SNTB1: variants seen among roughly 807,000 people sequenced by gnomAD.
The protein encoded by SNTB1 is syntrophin beta 1.
SNTB1 carries 36 observed loss-of-function variants against 48.9 expected under a neutral mutation model. The ratio of observed to expected loss-of-function variants is 0.74; its 90% CI spans 0.56 to 0.97. SNTB1 has a LOEUF of 0.97. Among genes scored for constraint, SNTB1 ranks in the 50% least tolerant of loss-of-function variants. SNTB1 has a pLI of 0.00. For missense variants in SNTB1, 786 were observed against 703.4 expected (o/e 1.12, Z -1.33); for synonymous variants, 299 against 294.6 (o/e 1.01, Z -0.15).
At chr8:120,760,297 CAA>C (rs77673399) in intron 1 of SNTB1, among the ~76,000 whole-genome samples, 11 of 69,188 alleles carry the variant, frequency 1.6e-4, no homozygotes, top group Admixed American at 4.9e-4. Flanking sequence ...AGAAACAAGC[CAA>C]AAAAAAAAAA....
chr8:120,566,456 C>A (rs1815750881), intron 4 of SNTB1, among the ~76,000 whole-genome samples: 1 of 151,932 alleles, frequency 6.6e-6, no homozygotes, highest in Admixed American at 6.6e-5. Flanking sequence ...CACGACTTCA[C>A]CAGACAGCAA....
intron 2 of SNTB1, among the ~76,000 whole-genome samples, chr8:120,661,713 G>T (rs1014743408): frequency 1.3e-5 from 2 of 152,088 alleles, no homozygotes; most frequent in African/African-American, 2.4e-5. Context: ...TGATCTCATT[G>T]TTCAACTCCC....
At chr8:120,601,446 C>T (rs564717782) in intron 3 of SNTB1, among the ~76,000 whole-genome samples, 54 of 152,102 alleles carry the variant, frequency 3.6e-4, no homozygotes, top group Non-Finnish European at 6.5e-4. Context: ...ACATCCTTAC[C>T]CCGTACCTGA....
intron 3 of SNTB1, among the ~76,000 whole-genome samples, chr8:120,630,201 G>A (rs924355579): frequency 6.6e-6 from 1 of 152,330 alleles, no homozygotes; most frequent in Non-Finnish European, 1.5e-5. Flanking sequence ...CTTTAAGAGT[G>A]CATCCGTGGG....
intron 1 of SNTB1, among the ~76,000 whole-genome samples, chr8:120,727,937 C>T (rs971708277): frequency 1.1e-4 from 17 of 152,318 alleles, no homozygotes; most frequent in East Asian, 5.8e-4. Flanking sequence ...AACTGTGGTA[C>T]GGTATTACTA....
At chr8:120,674,863 A>C (rs1378990128) in intron 2 of SNTB1, among the ~76,000 whole-genome samples, 1 of 152,202 alleles carries the variant, frequency 6.6e-6, no homozygotes, top group East Asian at 1.9e-4. Context: ...TCTAAAAAAA[A>C]TCCTAGTAAT....
At chr8:120,544,128 T>C (rs188162387) in intron 5 of SNTB1, among the ~76,000 whole-genome samples, 1 of 152,276 alleles carries the variant, frequency 6.6e-6, no homozygotes, top group African/African-American at 2.4e-5. Context: ...CCGCAGACCA[T>C]GTGGGTGAAT....
intron 2 of SNTB1, among the ~76,000 whole-genome samples, chr8:120,682,477 T>A (rs936315587): frequency 1.4e-4 from 21 of 152,224 alleles, no homozygotes; most frequent in Middle Eastern, 3.2e-3. Flanking sequence ...AATTTCTGAC[T>A]AATTCAACCC....
At chr8:120,590,531 T>C (rs781384594) in intron 3 of SNTB1, among the ~76,000 whole-genome samples, 1 of 152,170 alleles carries the variant, frequency 6.6e-6, no homozygotes, top group African/African-American at 2.4e-5. Flanking sequence ...TAATGATTAA[T>C]GCTTTCTGGA....
chr8:120,742,482 A>G (rs1268753194), intron 1 of SNTB1, among the ~76,000 whole-genome samples: 1 of 152,204 alleles, frequency 6.6e-6, no homozygotes, highest in Non-Finnish European at 1.5e-5. Flanking sequence ...TCTTACAGGA[A>G]GCAAAGGGAT....
intron 1 of SNTB1, among the ~76,000 whole-genome samples, chr8:120,746,419 T>C (rs1272653819): frequency 6.6e-6 from 1 of 152,140 alleles, no homozygotes; most frequent in Non-Finnish European, 1.5e-5. Context: ...AGGGTATTAG[T>C]GGTTAAGTGA....
At chr8:120,753,495 C>T (rs1270827642) in intron 1 of SNTB1, among the ~76,000 whole-genome samples, 2 of 152,170 alleles carry the variant, frequency 1.3e-5, no homozygotes, top group Non-Finnish European at 2.9e-5. Flanking sequence ...CCCTATTTCT[C>T]AATAGCACTA....
At chr8:120,780,328 T>C (rs989624530) in intron 1 of SNTB1, among the ~76,000 whole-genome samples, 2 of 152,234 alleles carry the variant, frequency 1.3e-5, no homozygotes, top group Non-Finnish European at 2.9e-5. Context: ...CTATTGCATA[T>C]ACAGTAGCTA....
At chr8:120,796,177 A>G (rs781548314) in intron 1 of SNTB1, among the ~76,000 whole-genome samples, 2 of 151,978 alleles carry the variant, frequency 1.3e-5, no homozygotes, top group Non-Finnish European at 2.9e-5. Flanking sequence ...CCGTGGTAAG[A>G]CATGCCCGTT....
chr8:120,738,912 G>T (rs1818997356), intron 1 of SNTB1, among the ~76,000 whole-genome samples: 2 of 152,256 alleles, frequency 1.3e-5, no homozygotes, highest in South Asian at 4.1e-4. Flanking sequence ...CCAATAAACA[G>T]TCACTAAAAC....
At chr8:120,611,109 T>C (rs1299453486) in intron 3 of SNTB1, among the ~76,000 whole-genome samples, 1 of 152,228 alleles carries the variant, frequency 6.6e-6, no homozygotes, top group Non-Finnish European at 1.5e-5. Flanking sequence ...TGAGCAGGTC[T>C]GACCCTAGAG....
In SNTB1 at chr8:120,592,590, T is replaced by C. The variant is rs190863267; in HGVS notation, c.997-17365A>G. On this transcript the variant is annotated intron_variant, in intron 3 of 6. Transcript: ENST00000517992. The stretch of plus-strand genomic sequence containing the variant: ...ATAAATATTTGTTAAGCACATGCTA[T>C]GTGCCAGACACTGTGCTGGGAGCTA... Among the ~76,000 whole-genome samples the C allele has an allele frequency of 2.5e-4, 38 of 152,098 alleles. 1 individual carries two copies. The highest frequency in any genetic ancestry group is 9.2e-4 in the African/African-American group (38 of 41,350).
At chr8:120,558,373 T>C (rs1815602552) in intron 4 of SNTB1, among the ~76,000 whole-genome samples, 1 of 152,202 alleles carries the variant, frequency 6.6e-6, no homozygotes, top group Admixed American at 6.5e-5. Context: ...GGTTTGAAGC[T>C]GAATTTGAAG....
At chr8:120,636,399 CA>C (rs1817078527) in intron 2 of SNTB1, among the ~76,000 whole-genome samples, 2 of 116,450 alleles carry the variant, frequency 1.7e-5, no homozygotes, top group African/African-American at 6.5e-5. Context: ...CCCCTCCCCC[CA>C]CCCCACAACA....
Sources: gnomAD v4.1 joint callset for allele counts (sites outside exome capture counted in the v4.1 genomes callset) on GRCh38, gnomAD v4.1.1 for gene constraint, MANE v1.5 for transcripts, NCBI Gene and HGNC (gene_info 2026-07-23, HGNC 2026-07-21) for gene names.